MCPH1: variants seen among roughly 807,000 people sequenced by gnomAD.
MCPH1 encodes microcephalin.
Under a neutral mutation model 84.5 loss-of-function variants are expected in MCPH1, and 104 were observed. That is an observed-to-expected ratio of 1.23 (90% CI 1.05 to 1.45). MCPH1 has a LOEUF of 1.45. Ranked by LOEUF, MCPH1 falls within the 40% of genes most tolerant of loss-of-function variation. The pLI, the probability that MCPH1 is intolerant of heterozygous loss-of-function variation, is 0.00. For synonymous variants in MCPH1, 514 were observed against 366.8 expected (o/e 1.40, Z -4.58); for missense variants, 1,498 against 1,005.7 (o/e 1.49, Z -6.62).
chr8:6,414,779 TAACA>T lies in MCPH1; in HGVS notation c.135_138del (p.Gln46Ter). 1 of 1,613,802 alleles carries T rather than the reference TAACA, an allele frequency of 6.2e-7. No individual in the cohort carries two copies. The highest frequency in any genetic ancestry group is 8.5e-7 in the Non-Finnish European group (1 of 1,179,848). On this transcript the variant is annotated frameshift_variant, in exon 3 of 14. Coordinates refer to ENST00000344683, the MANE Select transcript of MCPH1 (RefSeq NM_024596.5). LOFTEE classifies it high-confidence loss of function. ...TTTGTCTACAGGTTTCAAAAACTTT[TAACA>T]AACAAGTAACTCACGTTATCTTCAA...
At chr8:6,435,920 G>C (rs1802576615) in intron 4 of MCPH1, 128 bp from the exon 5 acceptor site, 4 of 1,126,036 alleles carry the variant, frequency 3.6e-6, no homozygotes, top group African/African-American at 3.2e-5. Context: ...TACAGTGCAA[G>C]AAACACCTCT....
At chr8:6,412,518 G>A (rs1798680561) in intron 2 of MCPH1, among the ~76,000 whole-genome samples, 1 of 152,218 alleles carries the variant, frequency 6.6e-6, no homozygotes, top group Non-Finnish European at 1.5e-5. Flanking sequence ...CAGGATTTGA[G>A]ATGATTTAAA....
At chr8:6,431,400 A>G (rs952950196) in intron 3 of MCPH1, 99 bp from the exon 4 acceptor site, 22 of 868,802 alleles carry the variant, frequency 2.5e-5, no homozygotes, top group African/African-American at 1.8e-4. Context: ...TGACCTAGCT[A>G]TGGATTTCTT....
intron 12 of MCPH1, among the ~76,000 whole-genome samples, chr8:6,534,083 C>T (rs1586440972): frequency 2.0e-5 from 3 of 152,240 alleles, no homozygotes; most frequent in African/African-American, 7.2e-5. Context: ...AGGCTGCCTC[C>T]CTGGCAGTCG....
At position 6,458,433 on chromosome 8, in the gene MCPH1, C is replaced by G. The variant is rs1805926915; in HGVS notation, c.1935+3181C>G. Among the ~76,000 whole-genome samples the G allele has an allele frequency of 2.0e-5, 3 of 146,880 alleles. No individual in the cohort carries two copies. In the Admixed American group the frequency reaches 2.1e-4, roughly 10 times the overall value. Reference sequence around the variant, plus strand: ...ATTGCAGTGAGCTGAGATCGTGCCACTGCATTCCAGCCTGGGCAACAGAGT... The same window carrying G: ...ATTGCAGTGAGCTGAGATCGTGCCAGTGCATTCCAGCCTGGGCAACAGAGT... On this transcript the variant is annotated intron_variant, in intron 9 of 13. Transcript: ENST00000344683.
At chr8:6,627,536 G>C (rs191441787) in intron 13 of MCPH1, among the ~76,000 whole-genome samples, 2 of 152,350 alleles carry the variant, frequency 1.3e-5, no homozygotes, top group African/African-American at 2.4e-5. Flanking sequence ...GCATATAAAT[G>C]AATGAGAACT....
chr8:6,462,967 C>T (rs1440876604), intron 9 of MCPH1, among the ~76,000 whole-genome samples: 1 of 152,168 alleles, frequency 6.6e-6, no homozygotes. Flanking sequence ...CTCCCAGAGA[C>T]CACCATGTGT....
intron 1 of MCPH1, among the ~76,000 whole-genome samples, chr8:6,408,070 CTT>C (rs1797991720): frequency 1.3e-5 from 2 of 152,196 alleles, no homozygotes; most frequent in Non-Finnish European, 2.9e-5. Flanking sequence ...CCATCTGTCT[CTT>C]TACAGAAAAT....
intron 13 of MCPH1, among the ~76,000 whole-genome samples, chr8:6,638,175 C>T (rs1638696210): frequency 6.6e-6 from 1 of 152,004 alleles, no homozygotes; most frequent in Non-Finnish European, 1.5e-5. Flanking sequence ...ATATTTGTAA[C>T]CTGCTGGGCT....
chr8:6,444,707 A>C lies in MCPH1; in HGVS notation c.985A>C (p.Lys329Gln). ...AGMSQETFEE[K>Q]YRLSPTLSST... Reference sequence around the variant, plus strand: ...TATGTCTCAGGAGACGTTTGAAGAGAAGTATCGTTTGTCTCCTACCTTATC... The same window carrying C: ...TATGTCTCAGGAGACGTTTGAAGAGCAGTATCGTTTGTCTCCTACCTTATC... Residue 329 changes from lysine (K) to glutamine (Q), a missense_variant, in exon 8 of 14, where the codon AAG becomes CAG. Lys to Gln is a moderately conservative substitution (Grantham distance 53). Transcript: ENST00000344683. 1 of 1,614,066 alleles carries C rather than the reference A, an allele frequency of 6.2e-7. No homozygotes were observed. The highest frequency in any genetic ancestry group is 8.5e-7 in the Non-Finnish European group (1 of 1,180,024).
Position 6,645,177 on chromosome 8 carries a change from A to T in MCPH1, c.*2128A>T, listed in dbSNP as rs749074458. 1 of 152,394 alleles carries T rather than the reference A, an allele frequency of 6.6e-6. No homozygotes were observed. The highest frequency in any genetic ancestry group is 2.4e-5 in the African/African-American group (1 of 41,432). 9.4% of individuals were successfully genotyped at this position (152,394 alleles called of 1,614,324 possible). A position where few individuals can be genotyped will look rare whatever the true frequency, so the allele number is the denominator to read the frequency against. On this transcript the variant is annotated 3_prime_UTR_variant, in exon 14 of 14. Coordinates refer to ENST00000344683, the MANE Select transcript of MCPH1 (RefSeq NM_024596.5). The stretch of plus-strand genomic sequence containing the variant: ...ACCACATCAGCCACGGAGCCAGCCC[A>T]GCCTCTGCCCACCCAGGCCTCAGTC...
At chr8:6,543,166 G>C (rs1257402199) in intron 12 of MCPH1, among the ~76,000 whole-genome samples, 1 of 151,860 alleles carries the variant, frequency 6.6e-6, no homozygotes, top group African/African-American at 2.4e-5. Flanking sequence ...CCAAAAAGTT[G>C]AAAGAATTCC....
chr8:6,526,042 G>C (rs1252047427), intron 12 of MCPH1, among the ~76,000 whole-genome samples: 1 of 152,020 alleles, frequency 6.6e-6, no homozygotes, highest in Non-Finnish European at 1.5e-5. Flanking sequence ...TGTATAACAG[G>C]CAAGAGAAAA....
chr8:6,597,629 CG>C (rs1180108677), intron 12 of MCPH1, among the ~76,000 whole-genome samples: 2 of 152,250 alleles, frequency 1.3e-5, no homozygotes, highest in African/African-American at 4.8e-5. Context: ...ACCCGGAACA[CG>C]GAGGGAGGGC....
At chr8:6,532,344 A>T (rs753533535) in intron 12 of MCPH1, 1 of 1,614,112 alleles carries the variant, frequency 6.2e-7, no homozygotes. Flanking sequence ...GGGCTTCCAC[A>T]TCAGTTAACT....
At chr8:6,585,016 C>A (rs1827858280) in intron 12 of MCPH1, among the ~76,000 whole-genome samples, 1 of 152,200 alleles carries the variant, frequency 6.6e-6, no homozygotes, top group African/African-American at 2.4e-5. Flanking sequence ...CCCTCTGATC[C>A]CCATCCCAGT....
intron 10 of MCPH1, among the ~76,000 whole-genome samples, chr8:6,478,700 G>C (rs541452243): frequency 3.8e-4 from 58 of 152,262 alleles, no homozygotes; most frequent in Non-Finnish European, 7.1e-4. Flanking sequence ...TGGAGTTCTA[G>C]GGAGTGTGTA....
intron 13 of MCPH1, among the ~76,000 whole-genome samples, chr8:6,623,937 C>G (rs1308723894): frequency 1.3e-5 from 2 of 152,216 alleles, no homozygotes; most frequent in Non-Finnish European, 2.9e-5. Context: ...TTGATATCCA[C>G]AGTGCATATC....
intron 12 of MCPH1, among the ~76,000 whole-genome samples, chr8:6,535,105 T>G (rs1820250885): frequency 6.6e-6 from 1 of 152,188 alleles, no homozygotes; most frequent in South Asian, 2.1e-4. Flanking sequence ...ATTTACAAAG[T>G]GGTATAAATA....
Sources: allele counts gnomAD v4.1 joint callset (sites outside exome capture counted in the v4.1 genomes callset), GRCh38; gene constraint gnomAD v4.1.1; transcripts MANE v1.5; gene names NCBI Gene and HGNC (gene_info 2026-07-23, HGNC 2026-07-21).